The following ZNF280A variants were observed in gnomAD, a reference collection of about 807,000 sequenced individuals.
ZNF280A encodes zinc finger protein 280A.
A neutral mutation model predicts 35.9 loss-of-function variants in ZNF280A; 26 were observed. That is an observed-to-expected ratio of 0.72 (90% confidence interval 0.53 to 1.01). ZNF280A has a LOEUF of 1.01. ZNF280A is among the 50% of genes least tolerant of loss of function. The pLI is 0.00. For missense variants in ZNF280A, 654 were observed against 652.0 expected, an observed-to-expected ratio of 1.00 and a Z score of -0.03; for synonymous variants, 231 against 232.9, an observed-to-expected ratio of 0.99 and a Z score of 0.07.
At chr22:22,515,739 C>T (rs361856) in intron 1 of ZNF280A, 38 bp from the exon 2 acceptor site, 718,513 of 1,476,022 alleles carry the variant, frequency 0.49, 180,793 homozygotes, top group Admixed American at 0.62. Context: ...ATATTTATTT[C>T]GAAAGACAAA....
At chr22:22,517,392 A>G (rs991705032) in intron 1 of ZNF280A, among the ~76,000 whole-genome samples, 1 of 152,044 alleles carries the variant, frequency 6.6e-6, no homozygotes, top group African/African-American at 2.4e-5. Flanking sequence ...TTAAATAAAT[A>G]GTAGCTGTTA....
Position 22,514,144 on chromosome 22 carries a change from G to A in ZNF280A, c.1487C>T (p.Thr496Ile), listed in dbSNP as rs375493539. The A allele has an allele frequency of 3.1e-6, 5 of 1,613,814 alleles. No homozygotes were observed. In the African/African-American group the frequency reaches 5.3e-5, roughly 17 times the overall value. ...ACCACTTGATCCTGGCTGAACTGAA[G>A]TTTGAATAATAACTTTTGTTTCACT... ...LPSETKVIIQ[T>I]SVQPGSSGMA... Residue 496 changes from threonine to isoleucine, a missense_variant, in exon 2 of 2, where the codon ACT becomes ATT. Physicochemically the swap from Thr to Ile is moderately conservative, Grantham distance 89. Transcript: ENST00000302097.
chr22:22,519,309 T>A (rs113437890), intron 1 of ZNF280A, among the ~76,000 whole-genome samples: 1 of 151,702 alleles, frequency 6.6e-6, no homozygotes, highest in Admixed American at 6.6e-5. Context: ...GGCGAGCACC[T>A]GTAATCTCAG....
rs200215124 is a variant in ZNF280A at position 22,515,360 on chromosome 22, T to G, written c.271A>C (p.Asn91His). ...QYPAHVSQPA[N>H]HVTSMAKAIM... Reference sequence around the variant, plus strand: ...GCTTTTGCCATAGAGGTCACATGATTTGCAGGCTGCGACACGTGAGCAGGA... The same window carrying G: ...GCTTTTGCCATAGAGGTCACATGATGTGCAGGCTGCGACACGTGAGCAGGA... The change falls in exon 2 of 2, where the codon AAT becomes CAT. Residue 91 changes from asparagine to histidine, a missense_variant. Asn to His is a moderately conservative substitution (Grantham distance 68). Coordinates refer to ENST00000302097, the MANE Select transcript of ZNF280A (RefSeq NM_080740.5). 1 of 1,613,904 alleles carries G rather than the reference T, an allele frequency of 6.2e-7. No homozygotes were observed. Among genetic ancestry groups the G allele is most frequent in the African/African-American group, 1.3e-5 (1 of 74,988 alleles).
chr22:22,518,805 AAG>A (rs1325869213), intron 1 of ZNF280A, among the ~76,000 whole-genome samples: 1 of 151,622 alleles, frequency 6.6e-6, no homozygotes, highest in Non-Finnish European at 1.5e-5. Flanking sequence ...AAAAAGAAAA[AAG>A]GAATATTTTG....
chr22:22,514,933 C>A lies in ZNF280A; in HGVS notation c.698G>T (p.Gly233Val). The change falls in exon 2 of 2, where the codon GGA (glycine) becomes GTA (valine). Residue 233 changes from glycine to valine, a missense_variant. Physicochemically the swap from Gly to Val is moderately radical, Grantham distance 109. Coordinates refer to ENST00000302097, the MANE Select transcript of ZNF280A (RefSeq NM_080740.5). ...GVTFPWPDAN[G>V]KAHFNLTDPE... ...ATCTGTAAGATTGAAATGTGCCTTT[C>A]CATTAGCATCAGGCCAAGGAAATGT... The A allele has an allele frequency of 6.2e-7, 1 of 1,613,876 alleles. No homozygotes were observed. The highest frequency in any genetic ancestry group is 2.2e-5 in the East Asian group (1 of 44,796).
intron 1 of ZNF280A, among the ~76,000 whole-genome samples, chr22:22,518,203 G>T (rs1306031313): frequency 1.3e-5 from 2 of 151,752 alleles, no homozygotes; most frequent in Non-Finnish European, 2.9e-5. Flanking sequence ...GGGATTACAG[G>T]CATGAGCCAC....
Position 22,513,913 on chromosome 22 carries a change from T to C in ZNF280A, c.*89A>G, listed in dbSNP as rs997420813. 3.9e-6 allele frequency: 3 copies of C among 770,190 alleles called. No individual in the cohort carries two copies. The highest frequency in any genetic ancestry group is 4.4e-6 in the Non-Finnish European group (2 of 456,254). 47.7% of individuals were successfully genotyped at this position (770,190 alleles called of 1,614,324 possible). The stretch of plus-strand genomic sequence containing the variant: ...AAAAACAACCTGACAGTTGATGACA[T>C]TGCTTGCTAGCATCTACAGCCACAA... On this transcript the variant is annotated 3_prime_UTR_variant, in exon 2 of 2. Transcript: ENST00000302097.
chr22:22,519,125 C>A (rs1204456806), intron 1 of ZNF280A, among the ~76,000 whole-genome samples: 1 of 151,834 alleles, frequency 6.6e-6, no homozygotes, highest in African/African-American at 2.4e-5. Context: ...ATAATTATAA[C>A]AATATACTGT....
intron 1 of ZNF280A, among the ~76,000 whole-genome samples, chr22:22,518,080 C>G (rs1239784831): frequency 1.3e-5 from 2 of 151,812 alleles, no homozygotes; most frequent in East Asian, 4.0e-4. Flanking sequence ...CGCCCGCCAC[C>G]TCGCCCGGCT....
chr22:22,518,097 T>C lies in ZNF280A; in HGVS notation c.-72+1992A>G, dbSNP rs562848489. On this transcript the variant is annotated intron_variant, in intron 1 of 1. Coordinates refer to ENST00000302097, the MANE Select transcript of ZNF280A (RefSeq NM_080740.5). Reference sequence around the variant, plus strand: ...CCCGCCACCTCGCCCGGCTAATTTTTTGTATTTTTAGTAGAGACGGGGTTT... The same window carrying C: ...CCCGCCACCTCGCCCGGCTAATTTTCTGTATTTTTAGTAGAGACGGGGTTT... Among the ~76,000 whole-genome samples, 7 of 151,954 alleles carry C rather than the reference T, an allele frequency of 4.6e-5. No homozygotes were observed. In the South Asian group the frequency reaches 1.5e-3, roughly 32 times the overall value.
intron 1 of ZNF280A, among the ~76,000 whole-genome samples, chr22:22,518,143 T>A (rs1276728978): frequency 6.6e-6 from 1 of 151,818 alleles, no homozygotes; most frequent in Non-Finnish European, 1.5e-5. Flanking sequence ...GCCAGGATGG[T>A]CTCGATCTCC....
chr22:22,519,526 A>G (rs1418196716), intron 1 of ZNF280A, among the ~76,000 whole-genome samples: 1 of 151,968 alleles, frequency 6.6e-6, no homozygotes, highest in Non-Finnish European at 1.5e-5. Flanking sequence ...TGGCAACCTT[A>G]GCATACGATT....
rs560059162 is a variant in ZNF280A at position 22,515,585 on chromosome 22, T to G, written c.46A>C (p.Asn16His). Residue 16 changes from asparagine to histidine, a missense_variant, in exon 2 of 2, where the codon AAT (asparagine) becomes CAT (histidine). Transcript: ENST00000302097. ...LCKKVESPKK[N>H]LRESKQREED... ...TCCCTTTGTTTGGATTCTCTCAAAT[T>G]CTTCTTTGGTGATTCCACTTTCTTA... 27 of 1,604,064 alleles carry G rather than the reference T, an allele frequency of 1.7e-5. No homozygotes were observed. In the East Asian group the frequency reaches 6.0e-4, roughly 36 times the overall value.
rs749071917 is a variant in ZNF280A at position 22,514,172 on chromosome 22, G to A, written c.1459C>T (p.Pro487Ser). Residue 487 changes from proline to serine, a missense_variant, in exon 2 of 2, where the codon CCT (proline) becomes TCT (serine). Transcript: ENST00000302097. ...FKKPEQLQGLPSETKVIIQTS... is the reference protein window; with the variant it reads ...FKKPEQLQGLSSETKVIIQTS... ...TGAATAATAACTTTTGTTTCACTAG[G>A]CAACCCTTGCAGTTGCTCCGGCTTT... 6.2e-7 allele frequency: 1 copy of A among 1,613,740 alleles called. No individual in the cohort carries two copies. The highest frequency in any genetic ancestry group is 8.5e-7 in the Non-Finnish European group (1 of 1,179,960).
rs362124 is a variant in ZNF280A at position 22,514,885 on chromosome 22, G to C, written c.746C>G (p.Ala249Gly). 0.35 allele frequency: 559,452 copies of C among 1,612,984 alleles called. 105,954 individuals carry two copies. The highest frequency in any genetic ancestry group is 0.7 in the African/African-American group (52,400 of 74,614). The part of the protein sequence containing the change: ...LTDPERASES[A>G]LAMTDISSLA... ...ACTTGAAATGTCTGTCATTGCCAGG[G>C]CAGACTCACTTGCTCTCTCTGGATC... Residue 249 changes from alanine (A) to glycine (G), a missense_variant, in exon 2 of 2, where the codon GCC becomes GGC. By Grantham distance (60) the Ala-to-Gly change is moderately conservative. Coordinates refer to ENST00000302097, the MANE Select transcript of ZNF280A (RefSeq NM_080740.5).
rs756318775 is a variant in ZNF280A, at chr22:22,514,918, T to C, written c.713A>G (p.Asn238Ser). The C allele has an allele frequency of 3.1e-6, 5 of 1,613,900 alleles. No homozygotes were observed. The highest frequency in any genetic ancestry group is 4.2e-6 in the Non-Finnish European group (5 of 1,179,976). The change falls in exon 2 of 2, where the codon AAT becomes AGT. Residue 238 changes from asparagine (N) to serine (S), a missense_variant. Transcript: ENST00000302097. ...ACTTGCTCTCTCTGGATCTGTAAGA[T>C]TGAAATGTGCCTTTCCATTAGCATC... ...WPDANGKAHF[N>S]LTDPERASES... is the part of the protein sequence containing the mutation.
chr22:22,519,326 G>C lies in ZNF280A; in HGVS notation c.-72+763C>G, dbSNP rs541271867. ...CGAGCACCTGTAATCTCAGCTACTT[G>C]GGAGGCTGAGGCAGGAGAATCACTT... On this transcript the variant is annotated intron_variant, in intron 1 of 1. Coordinates refer to ENST00000302097, the MANE Select transcript of ZNF280A (RefSeq NM_080740.5). Among the ~76,000 whole-genome samples, 4 of 151,916 alleles carry C rather than the reference G, an allele frequency of 2.6e-5. No homozygotes were observed. The East Asian group carries it at 7.9e-4, about 30-fold the overall frequency.
At position 22,515,097 on chromosome 22, in the gene ZNF280A, G is replaced by T. The variant is rs1267622048; in HGVS notation, c.534C>A (p.Ser178=). ...LSTSDINSRD[S]KRVKLRDGIP... ...TTCCATCCCTGAGTTTAACCCTTTTGGAATCTCTGCTGTTTATATCTGAAG... is the reference window on the plus strand; with the variant it reads ...TTCCATCCCTGAGTTTAACCCTTTTTGAATCTCTGCTGTTTATATCTGAAG... The change falls in exon 2 of 2, where the codon TCC becomes TCA. Residue 178 remains serine (S), a synonymous_variant. Coordinates refer to ENST00000302097, the MANE Select transcript of ZNF280A (RefSeq NM_080740.5). 1 of 1,613,734 alleles carries T rather than the reference G, an allele frequency of 6.2e-7. No homozygotes were observed. Among genetic ancestry groups the T allele is most frequent in the East Asian group, 2.2e-5 (1 of 44,794 alleles).
Sources: gnomAD v4.1 joint callset for allele counts (sites outside exome capture counted in the v4.1 genomes callset) on GRCh38, gnomAD v4.1.1 for gene constraint, MANE v1.5 for transcripts, NCBI Gene and HGNC (gene_info 2026-07-23, HGNC 2026-07-21) for gene names.